Variants in SGCD observed in about 807,000 individuals in gnomAD.
The protein encoded by SGCD is sarcoglycan delta, also known as delta-sarcoglycan.
SGCD carries 18 observed loss-of-function variants against 36.6 expected under a neutral mutation model. That is an observed-to-expected ratio of 0.49 (90% confidence interval 0.34 to 0.73). The LOEUF (loss-of-function observed/expected upper bound fraction) is 0.73. SGCD is among the 30% of genes least tolerant of loss of function. The probability of loss-of-function intolerance (pLI) is 0.01; values close to 1 mark genes in which losing one functional copy is unlikely to be tolerated. For synonymous variants in SGCD, 133 were observed against 130.6 expected (o/e 1.02, Z -0.12); for missense variants, 387 against 346.7 (o/e 1.12, Z -0.92).
chr5:155,796,803 T>C, the SGCD span, among the ~76,000 whole-genome samples: 720 of 38,878 alleles, frequency 0.019, 11 homozygotes, highest in African/African-American at 0.11. Context: ...TGAAACTCCA[T>C]CTCAAAAAAA....
intron 3 of SGCD, among the ~76,000 whole-genome samples, chr5:156,158,354 A>G (rs1283582633): frequency 6.6e-6 from 1 of 151,640 alleles, no homozygotes; most frequent in Non-Finnish European, 1.5e-5. Context: ...CAGAGAAAAA[A>G]GTTTCTCTTA....
intron 4 of SGCD, among the ~76,000 whole-genome samples, chr5:156,584,647 T>C (rs1328551668): frequency 2.5e-5 from 2 of 80,722 alleles, no homozygotes; most frequent in Non-Finnish European, 5.2e-5. Context: ...TCACCTATGC[T>C]TCTTTCTGTC....
chr5:156,294,438 T>TA (rs1408086162), intron 3 of SGCD, among the ~76,000 whole-genome samples: 12 of 150,994 alleles, frequency 7.9e-5, no homozygotes, highest in African/African-American at 1.9e-4. Context: ...CTATAAAAAG[T>TA]AAAAAAAAAG....
intron 3 of SGCD, among the ~76,000 whole-genome samples, chr5:156,358,629 G>T (rs1234254916): frequency 6.6e-6 from 1 of 152,132 alleles, no homozygotes; most frequent in Admixed American, 6.5e-5. Context: ...TGTCTAATGG[G>T]GAAGGGATTG....
At chr5:156,239,463 T>C (rs1445400949) in intron 3 of SGCD, among the ~76,000 whole-genome samples, 2 of 147,650 alleles carry the variant, frequency 1.4e-5, no homozygotes, top group Admixed American at 6.7e-5. Flanking sequence ...TAGTGCAAAG[T>C]AGTGGAGGAA....
At chr5:155,741,687 C>CTT in the SGCD span, among the ~76,000 whole-genome samples, 1 of 132,288 alleles carries the variant, frequency 7.6e-6, no homozygotes, top group Non-Finnish European at 1.6e-5. Context: ...CTTTTCTTTT[C>CTT]TTTTTTTTTT....
Position 156,696,253 on chromosome 5 carries a change from C to T in SGCD, c.575+48717C>T, listed in dbSNP as rs1754313913. On this transcript the variant is annotated intron_variant, in intron 7 of 8. Transcript: ENST00000337851. ...GCAGTGATTCATTGTTTTCTAGGAACTTTTCCCATGAATTAGGAGAAGTTC... is the reference window on the plus strand; with the variant it reads ...GCAGTGATTCATTGTTTTCTAGGAATTTTTCCCATGAATTAGGAGAAGTTC... Among the ~76,000 whole-genome samples the T allele has an allele frequency of 2.0e-5, 3 of 152,296 alleles. No homozygotes were observed. In the South Asian group the frequency reaches 6.2e-4, roughly 32 times the overall value.
chr5:155,835,765 T>A, the SGCD span, among the ~76,000 whole-genome samples: 1 of 152,228 alleles, frequency 6.6e-6, no homozygotes, highest in Non-Finnish European at 1.5e-5. Context: ...CTACTTTTCA[T>A]GGTTTCAGTT....
chr5:155,892,479 A>AAAGG (rs1418903899), intron 1 of SGCD, among the ~76,000 whole-genome samples: 18 of 151,276 alleles, frequency 1.2e-4, no homozygotes, highest in African/African-American at 4.4e-4. Flanking sequence ...AAAAAAAAAA[A>AAAGG]AAAAAGGACC....
chr5:156,360,829 C>T (rs1769749626), intron 3 of SGCD, among the ~76,000 whole-genome samples: 1 of 151,994 alleles, frequency 6.6e-6, no homozygotes, highest in Non-Finnish European at 1.5e-5. Context: ...AAATCTTAGC[C>T]TTCACCATCC....
At chr5:156,255,927 G>A (rs551585999) in intron 3 of SGCD, among the ~76,000 whole-genome samples, 1 of 151,118 alleles carries the variant, frequency 6.6e-6, no homozygotes, top group African/African-American at 2.4e-5. Context: ...TGGACACTTA[G>A]TTCAATAATT....
At chr5:156,330,667 A>G (rs1181465414) in intron 2 of SGCD, among the ~76,000 whole-genome samples, 2 of 152,200 alleles carry the variant, frequency 1.3e-5, no homozygotes, top group Non-Finnish European at 2.9e-5. Flanking sequence ...CTTGAGCTCA[A>G]CTTAGTCATC....
intron 1 of SGCD, among the ~76,000 whole-genome samples, chr5:155,886,259 C>T (rs551212419): frequency 3.6e-4 from 54 of 152,080 alleles, no homozygotes; most frequent in Non-Finnish European, 6.8e-4. Flanking sequence ...TTATAAGGGA[C>T]TGGAATGAGG....
At chr5:155,797,513 A>G in the SGCD span, among the ~76,000 whole-genome samples, 59 of 152,338 alleles carry the variant, frequency 3.9e-4, 1 homozygote, top group East Asian at 8.5e-3. Flanking sequence ...TAGAATTGCT[A>G]TTGAATTTTA....
At chr5:155,745,477 C>T in the SGCD span, among the ~76,000 whole-genome samples, 1 of 152,062 alleles carries the variant, frequency 6.6e-6, no homozygotes, top group African/African-American at 2.4e-5. Context: ...TTTTTTTCCT[C>T]ATCAATCTTA....
At chr5:156,332,019 T>C (rs1285402564) in intron 2 of SGCD, among the ~76,000 whole-genome samples, 2 of 152,206 alleles carry the variant, frequency 1.3e-5, no homozygotes, top group Admixed American at 1.3e-4. Context: ...TGTTATTTGT[T>C]CAGTGTGTGC....
chr5:156,139,239 C>G (rs548851605), intron 3 of SGCD, among the ~76,000 whole-genome samples: 35 of 152,284 alleles, frequency 2.3e-4, no homozygotes, highest in African/African-American at 8.4e-4. Context: ...TGTTCTACCT[C>G]AGAAATCTTT....
chr5:155,972,938 A>G (rs991064624), intron 1 of SGCD, among the ~76,000 whole-genome samples: 3 of 152,130 alleles, frequency 2.0e-5, no homozygotes, highest in Admixed American at 6.6e-5. Flanking sequence ...CTCTTTAGAT[A>G]TTAACCCTAG....
intron 3 of SGCD, among the ~76,000 whole-genome samples, chr5:156,486,745 G>A (rs1250894866): frequency 6.6e-6 from 1 of 152,130 alleles, no homozygotes; most frequent in Non-Finnish European, 1.5e-5. Context: ...TTTGCCTGCT[G>A]CCACCACGTG....
Sources: gnomAD v4.1 joint callset for allele counts (sites outside exome capture counted in the v4.1 genomes callset) on GRCh38, gnomAD v4.1.1 for gene constraint, MANE v1.5 for transcripts, NCBI Gene and HGNC (gene_info 2026-07-23, HGNC 2026-07-21) for gene names.